The following PIEZO2 variants were observed in gnomAD, a reference collection of about 807,000 sequenced individuals.
The protein encoded by PIEZO2 is piezo type mechanosensitive ion channel component 2.
PIEZO2 carries 172 observed loss-of-function variants against 337.3 expected under a neutral mutation model. The ratio of observed to expected loss-of-function variants is 0.51; its 90% CI spans 0.45 to 0.58. The LOEUF (loss-of-function observed/expected upper bound fraction) is 0.58, where lower values mean the gene tolerates loss of function less well. Among genes scored for constraint, PIEZO2 ranks in the 20% least tolerant of loss-of-function variants. The pLI is 0.00. For synonymous variants in PIEZO2, 1,251 were observed against 1,228.5 expected (o/e 1.02, Z -0.38); for missense variants, 3,028 against 3,391.3 (o/e 0.89, Z 2.66).
intron 4 of PIEZO2, among the ~76,000 whole-genome samples, chr18:10,873,252 G>A (rs1336416108): frequency 6.6e-6 from 1 of 152,108 alleles, no homozygotes; most frequent in Non-Finnish European, 1.5e-5. Flanking sequence ...CGTGCTAAGA[G>A]CTTTAGACAC....
In PIEZO2 at chr18:10,976,302, C is replaced by CA. The variant is rs568124985; in HGVS notation, c.286+3232dup. Among the ~76,000 whole-genome samples the CA allele has an allele frequency of 3.7e-4, 57 of 152,052 alleles. 1 individual carries two copies. The East Asian group carries it at 0.011, about 29-fold the overall frequency. Reference sequence around the variant, plus strand: ...TTAAATGCTACACATAAAACTAAACCAAAAAAATCTACAACACCTGATGAG... The same window carrying CA: ...TTAAATGCTACACATAAAACTAAACCAAAAAAAATCTACAACACCTGATGAG... On this transcript the variant is annotated intron_variant, in intron 3 of 55. Transcript: ENST00000674853.
chr18:10,810,628 C>T (rs2040158785), intron 7 of PIEZO2, among the ~76,000 whole-genome samples: 1 of 152,164 alleles, frequency 6.6e-6, no homozygotes, highest in Non-Finnish European at 1.5e-5. Flanking sequence ...CTTGGCTCTG[C>T]TAGATTATTT....
At chr18:10,938,029 C>T (rs998595114) in intron 3 of PIEZO2, among the ~76,000 whole-genome samples, 2 of 152,206 alleles carry the variant, frequency 1.3e-5, no homozygotes, top group African/African-American at 2.4e-5. Flanking sequence ...ATAGAAGGCA[C>T]GTTTTGCCTC....
chr18:10,870,026 C>A lies in PIEZO2; in HGVS notation c.492+1227G>T, dbSNP rs1481474037. Among the ~76,000 whole-genome samples the A allele has an allele frequency of 2.0e-5, 3 of 152,164 alleles. No individual in the cohort carries two copies. The highest frequency in any genetic ancestry group is 7.2e-5 in the African/African-American group (3 of 41,442). On this transcript the variant is annotated intron_variant, in intron 5 of 55. Transcript: ENST00000674853. This position sits in a 1 kb window ranked among gnomAD's most constrained non-coding sequence, Gnocchi z 5.3. Reference sequence around the variant, plus strand: ...GAGTAGCTAGAATTACAGGCAAGCACCATCACGCTCAGCTAATTTTTGTAT... The same window carrying A: ...GAGTAGCTAGAATTACAGGCAAGCAACATCACGCTCAGCTAATTTTTGTAT...
intron 7 of PIEZO2, among the ~76,000 whole-genome samples, chr18:10,849,598 C>CCGTAAA (rs2041476856): frequency 6.6e-6 from 1 of 152,134 alleles, no homozygotes; most frequent in African/African-American, 2.4e-5. Context: ...GATCCCTGAA[C>CCGTAAA]CGTAAACGGG....
intron 3 of PIEZO2, among the ~76,000 whole-genome samples, chr18:10,972,860 C>T (rs79701931): frequency 0.017 from 2,546 of 152,124 alleles, 79 homozygotes; most frequent in African/African-American, 0.058. Context: ...ACTATTTGAC[C>T]ACTTACAATG....
At position 10,803,920 on chromosome 18, in the gene PIEZO2, C is replaced by T. The variant is rs1343037875; in HGVS notation, c.1155G>A (p.Arg385=). The change falls in exon 9 of 56, where the codon AGG becomes AGA. Residue 385 remains arginine, a synonymous_variant. Coordinates refer to ENST00000674853, the MANE Select transcript of PIEZO2 (RefSeq NM_001378183.1). ...CSPIQITAGR[R]RSLWYATHYP... ...AATGGGTTGCGTACCACAGGCTCCG[C>T]CTCCTCCCCGCTGTTATTTGGATGG... 3.9e-6 allele frequency: 6 copies of T among 1,537,330 alleles called. No homozygotes were observed. Among genetic ancestry groups the T allele is most frequent in the Admixed American group, 2.0e-5 (1 of 51,010 alleles).
chr18:10,832,162 G>T (rs1051398754), intron 7 of PIEZO2, among the ~76,000 whole-genome samples: 1 of 152,090 alleles, frequency 6.6e-6, no homozygotes, highest in Non-Finnish European at 1.5e-5. Flanking sequence ...GCCAGGTGTG[G>T]TAGTGGGCAC....
rs778238431 is a variant in PIEZO2, at chr18:11,148,309, C to A, written c.64+216G>T. Among the ~76,000 whole-genome samples, 5 of 152,180 alleles carry A rather than the reference C, an allele frequency of 3.3e-5. No homozygotes were observed. Among genetic ancestry groups the A allele is most frequent in the African/African-American group, 1.2e-4 (5 of 41,448 alleles). On this transcript the variant is annotated intron_variant, in intron 1 of 55. Coordinates refer to ENST00000674853, the MANE Select transcript of PIEZO2 (RefSeq NM_001378183.1). This position sits in a 1 kb window ranked among gnomAD's most constrained non-coding sequence, Gnocchi z 5.2. ...ACATAAACAGTTTCCAGCACATGCC[C>A]GTCCCGAGCATCCTGTTAAGAGATA...
intron 2 of PIEZO2, among the ~76,000 whole-genome samples, chr18:10,985,853 C>A (rs1214861515): frequency 6.6e-6 from 1 of 151,772 alleles, no homozygotes; most frequent in African/African-American, 2.4e-5. Context: ...AAATAATTAA[C>A]AAAATGTCAA....
chr18:11,098,013 A>G (rs1275022330), intron 1 of PIEZO2, among the ~76,000 whole-genome samples: 2 of 152,224 alleles, frequency 1.3e-5, no homozygotes, highest in East Asian at 3.8e-4. Flanking sequence ...ACTTTAATCC[A>G]GTAAACCTAC....
chr18:10,752,948 T>C, intron 27 of PIEZO2, 69 bp from the exon 28 acceptor site: 1 of 1,477,324 alleles, frequency 6.8e-7, no homozygotes, highest in Non-Finnish European at 8.9e-7. Context: ...CAGGAAAGTC[T>C]TTAACAAGGG....
intron 3 of PIEZO2, among the ~76,000 whole-genome samples, chr18:10,926,762 C>T (rs918655794): frequency 1.7e-4 from 26 of 152,118 alleles, no homozygotes; most frequent in African/African-American, 5.8e-4. Context: ...GCAGCCACCA[C>T]GACTCTGAGA....
intron 3 of PIEZO2, among the ~76,000 whole-genome samples, chr18:10,919,995 T>G (rs1365402310): frequency 6.6e-6 from 1 of 152,192 alleles, no homozygotes; most frequent in South Asian, 2.1e-4. Context: ...TGTATGTGTA[T>G]GTCTCCCGTG....
At chr18:10,804,319 C>G (rs544196278) in intron 8 of PIEZO2, among the ~76,000 whole-genome samples, 6 of 152,168 alleles carry the variant, frequency 3.9e-5, no homozygotes, top group Non-Finnish European at 7.3e-5. Flanking sequence ...TAGCCAAGAG[C>G]CTTCACAAAG....
intron 31 of PIEZO2, 131 bp from the exon 32 acceptor site, chr18:10,742,746 G>C (rs554637450): frequency 2.1e-5 from 20 of 966,662 alleles, no homozygotes; most frequent in Middle Eastern, 2.6e-4. Flanking sequence ...CTTGTGAATT[G>C]TAAAATGGTT....
rs2033715132 is a variant in PIEZO2 at position 10,670,302 on chromosome 18, A to T, written c.*1225T>A. 1 of 152,202 alleles carries T rather than the reference A, an allele frequency of 6.6e-6. No individual in the cohort carries two copies. The highest frequency in any genetic ancestry group is 2.4e-5 in the African/African-American group (1 of 41,456). 9.4% of individuals were successfully genotyped at this position (152,202 alleles called of 1,614,324 possible). On this transcript the variant is annotated 3_prime_UTR_variant, in exon 56 of 56. Transcript: ENST00000674853. ...CAGCCCTGAACCCAAACTACACAGG[A>T]TCAATTTTTGACATATTCTAGTCCA...
rs1395287577 is a variant in PIEZO2, at chr18:11,096,127, A to G, written c.65-29905T>C. ...GCTTCCATTCTCTAAGCCGGTCCACATGGAGCCCTCACTCTGTTGCCCAAG... is the reference window on the plus strand; with the variant it reads ...GCTTCCATTCTCTAAGCCGGTCCACGTGGAGCCCTCACTCTGTTGCCCAAG... On this transcript the variant is annotated intron_variant, in intron 1 of 55. Transcript: ENST00000674853. The surrounding 1 kb of genome is among the most constrained non-coding windows in gnomAD (Gnocchi z 4.6). Among the ~76,000 whole-genome samples the G allele has an allele frequency of 6.6e-6, 1 of 152,216 alleles. No individual in the cohort carries two copies. The highest frequency in any genetic ancestry group is 1.5e-5 in the Non-Finnish European group (1 of 68,030).
chr18:10,768,820 TG>T (rs2143953942), intron 21 of PIEZO2, among the ~76,000 whole-genome samples: 1 of 152,338 alleles, frequency 6.6e-6, no homozygotes, highest in East Asian at 1.9e-4. Context: ...GTCTGCCTTT[TG>T]TTTAGGATCT....
Sources: gnomAD v4.1 joint callset for allele counts (sites outside exome capture counted in the v4.1 genomes callset) on GRCh38, gnomAD v4.1.1 for gene constraint, Gnocchi (gnomAD v3.1) non-coding constraint, MANE v1.5 for transcripts, NCBI Gene and HGNC (gene_info 2026-07-23, HGNC 2026-07-21) for gene names.